The following PTPRN2 variants were observed in gnomAD, a reference collection of about 807,000 sequenced individuals.
PTPRN2 encodes the protein receptor-type tyrosine-protein phosphatase N2.
Under a neutral mutation model 118.8 loss-of-function variants are expected in PTPRN2, and 74 were observed. The ratio of observed to expected loss-of-function variants is 0.62; its 90% CI spans 0.52 to 0.76. The LOEUF (loss-of-function observed/expected upper bound fraction) is 0.76, where lower values mean the gene tolerates loss of function less well. Among genes scored for constraint, PTPRN2 ranks in the 30% least tolerant of loss-of-function variants. The pLI is 0.00. For missense variants in PTPRN2, 1,481 were observed against 1,394.4 expected, an observed-to-expected ratio of 1.06 and a Z score of -0.99; for synonymous variants, 641 against 608.0, an observed-to-expected ratio of 1.05 and a Z score of -0.80.
chr7:158,344,581 G>A lies in PTPRN2; in HGVS notation c.164-27649C>T, dbSNP rs151300378. Among the ~76,000 whole-genome samples, 864 of 152,232 alleles carry A rather than the reference G, an allele frequency of 5.7e-3. 2 individuals are homozygous for A. Among genetic ancestry groups the A allele is most frequent in the Non-Finnish European group, 9.4e-3 (638 of 68,024 alleles). On this transcript the variant is annotated intron_variant, in intron 2 of 22. Coordinates refer to ENST00000389418, the MANE Select transcript of PTPRN2 (RefSeq NM_002847.5). The stretch of plus-strand genomic sequence containing the variant: ...ACAGGAATCTGGAATCGCATAAAAC[G>A]TGGAAAACCAGACTTTTCTAGCCCA...
At chr7:158,366,461 C>A (rs1249720234) in intron 2 of PTPRN2, among the ~76,000 whole-genome samples, 9 of 151,964 alleles carry the variant, frequency 5.9e-5, no homozygotes, top group African/African-American at 2.2e-4. Context: ...ACCCACACAC[C>A]CACAGCATCC....
At chr7:157,762,504 G>A (rs1182193519) in intron 12 of PTPRN2, among the ~76,000 whole-genome samples, 25 of 148,710 alleles carry the variant, frequency 1.7e-4, no homozygotes, top group East Asian at 8.0e-4. Context: ...ACAAAAAACC[G>A]AACACCGCAT....
At chr7:158,120,415 G>C (rs1053604230) in intron 9 of PTPRN2, among the ~76,000 whole-genome samples, 3 of 152,114 alleles carry the variant, frequency 2.0e-5, no homozygotes, top group Admixed American at 2.0e-4. Context: ...GCACCATGAC[G>C]TGTGGCTGCT....
chr7:157,795,350 G>T (rs1013724261), intron 12 of PTPRN2, among the ~76,000 whole-genome samples: 2 of 152,318 alleles, frequency 1.3e-5, no homozygotes, highest in East Asian at 1.9e-4. Flanking sequence ...GCAAAGCTGG[G>T]CCCCAGCCAC....
chr7:157,876,419 T>C (rs1356369239), intron 12 of PTPRN2, among the ~76,000 whole-genome samples: 5 of 152,194 alleles, frequency 3.3e-5, no homozygotes, highest in Non-Finnish European at 7.4e-5. Context: ...GGTGGCTGTG[T>C]CTAAAGCCAC....
intron 2 of PTPRN2, among the ~76,000 whole-genome samples, chr7:158,385,816 G>A (rs1443885802): frequency 6.6e-6 from 1 of 151,842 alleles, no homozygotes; most frequent in East Asian, 1.9e-4. Context: ...GAACACCATG[G>A]ATTTCATCTC....
chr7:157,556,779 A>G (rs1246139882), intron 21 of PTPRN2, among the ~76,000 whole-genome samples: 2 of 151,128 alleles, frequency 1.3e-5, no homozygotes, highest in Non-Finnish European at 2.9e-5. Context: ...ACACACATGC[A>G]CACGCCCACA....
intron 11 of PTPRN2, among the ~76,000 whole-genome samples, chr7:157,949,914 G>C (rs1800705341): frequency 6.6e-6 from 1 of 152,140 alleles, no homozygotes; most frequent in African/African-American, 2.4e-5. Flanking sequence ...AACAATTCAG[G>C]CTTCTTTAAG....
intron 4 of PTPRN2, among the ~76,000 whole-genome samples, chr7:158,201,069 T>TTTA (rs1826609891): frequency 6.6e-6 from 1 of 151,722 alleles, no homozygotes. Flanking sequence ...TTTTTTTTTT[T>TTTA]GAGACAGGGT....
chr7:158,124,874 C>T (rs796712605), intron 9 of PTPRN2, among the ~76,000 whole-genome samples: 34 of 152,298 alleles, frequency 2.2e-4, no homozygotes, highest in African/African-American at 7.2e-4. Flanking sequence ...TTGGTTTTGT[C>T]GAGTCCTCTT....
At chr7:157,996,030 A>G (rs910438219) in intron 11 of PTPRN2, among the ~76,000 whole-genome samples, 2 of 152,248 alleles carry the variant, frequency 1.3e-5, no homozygotes, top group Non-Finnish European at 1.5e-5. Flanking sequence ...GTTGCACACA[A>G]TGGAATACTA....
intron 11 of PTPRN2, among the ~76,000 whole-genome samples, chr7:158,056,448 C>T (rs770015052): frequency 5.9e-5 from 9 of 152,344 alleles, no homozygotes; most frequent in Non-Finnish European, 1.3e-4. Flanking sequence ...GGGAAAAACA[C>T]ATTTGTAAAA....
At chr7:157,757,464 C>T (rs1290489166) in intron 12 of PTPRN2, among the ~76,000 whole-genome samples, 3 of 152,090 alleles carry the variant, frequency 2.0e-5, no homozygotes, top group South Asian at 2.1e-4. Context: ...AGGAGGACCC[C>T]GGCAGGCGCG....
chr7:158,473,985 A>C (rs1328006772), intron 2 of PTPRN2, among the ~76,000 whole-genome samples: 1 of 152,194 alleles, frequency 6.6e-6, no homozygotes, highest in Non-Finnish European at 1.5e-5. Context: ...AAAGCAAAAA[A>C]AAAATCCCTT....
chr7:157,606,168 G>T (rs1423553386), intron 15 of PTPRN2, among the ~76,000 whole-genome samples: 1 of 152,238 alleles, frequency 6.6e-6, no homozygotes, highest in African/African-American at 2.4e-5. Context: ...CTGTGACAGC[G>T]CCCGGGCTCA....
intron 2 of PTPRN2, among the ~76,000 whole-genome samples, chr7:158,403,549 CT>C (rs1671917392): frequency 6.6e-6 from 1 of 152,220 alleles, no homozygotes. Context: ...TGGGTGTGGC[CT>C]TTGTTACTCC....
intron 2 of PTPRN2, among the ~76,000 whole-genome samples, chr7:158,375,958 C>A (rs1810466403): frequency 1.3e-5 from 2 of 152,168 alleles, no homozygotes; most frequent in Admixed American, 1.3e-4. Flanking sequence ...TCAATTTGTC[C>A]CTGTGACCTG....
chr7:158,244,808 G>T (rs576769023), intron 3 of PTPRN2, among the ~76,000 whole-genome samples: 8 of 147,184 alleles, frequency 5.4e-5, no homozygotes, highest in Admixed American at 1.4e-4. Context: ...AGTTGTGTGT[G>T]AGAGTGTGTA....
rs1043589880 is a variant in PTPRN2 at position 158,586,122 on chromosome 7, C to T, written c.112+1436G>A. ...CAGAGGTGCGGGACCAGCACAGACA[C>T]TCCCTCCCAGGACTCCAAGGCAGGT... is the stretch of plus-strand genomic sequence containing the variant. On this transcript the variant is annotated intron_variant, in intron 1 of 22. Coordinates refer to ENST00000389418, the MANE Select transcript of PTPRN2 (RefSeq NM_002847.5). Among the ~76,000 whole-genome samples, 45 of 152,234 alleles carry T rather than the reference C, an allele frequency of 3.0e-4. 1 individual carries two copies. Among genetic ancestry groups the T allele is most frequent in the African/African-American group, 1.1e-3 (44 of 41,464 alleles).
Sources: gnomAD v4.1 joint callset for allele counts (sites outside exome capture counted in the v4.1 genomes callset) on GRCh38, gnomAD v4.1.1 for gene constraint, MANE v1.5 for transcripts, NCBI Gene and HGNC (gene_info 2026-07-23, HGNC 2026-07-21) for gene names.